The following SOX5 variants were observed in gnomAD, a reference collection of about 807,000 sequenced individuals.
SOX5 encodes transcription factor SOX-5.
A neutral mutation model predicts 92.0 loss-of-function variants in SOX5; 9 were observed. The ratio of observed to expected loss-of-function variants is 0.10; its 90% CI spans 0.06 to 0.17. SOX5 has a LOEUF of 0.17. Ranked by LOEUF, SOX5 falls within the 10% of genes least tolerant of loss-of-function variation. The probability of loss-of-function intolerance (pLI) is 1.00; values close to 1 mark genes in which losing one functional copy is unlikely to be tolerated. For synonymous variants in SOX5, 344 were observed against 336.3 expected (o/e 1.02, Z -0.25); for missense variants, 642 against 944.5 (o/e 0.68, Z 4.20).
Position 23,758,008 on chromosome 12 carries a change from C to CAAAAAAAA in SOX5, c.482-2292_482-2285dup, listed in dbSNP as rs34841595. ...GTACTTGACTTTTAAGCACACACTACAAAAAAAAAAAAAAAAAAAAAAAAA... is the reference window on the plus strand; with the variant it reads ...GTACTTGACTTTTAAGCACACACTACAAAAAAAAAAAAAAAAAAAAAAAAAAAAAAAAA... On this transcript the variant is annotated intron_variant, in intron 3 of 14. Transcript: ENST00000451604. Among the ~76,000 whole-genome samples, 203 of 68,268 alleles carry CAAAAAAAA rather than the reference C, an allele frequency of 3.0e-3. 2 individuals are homozygous for CAAAAAAAA. Among genetic ancestry groups the CAAAAAAAA allele is most frequent in the Middle Eastern group, 0.017 (1 of 58 alleles). 44.8% of individuals were successfully genotyped at this position (68,268 alleles called of 152,430 possible).
At chr12:24,397,742 T>G (rs1232006773) in intron 1 of SOX5, among the ~76,000 whole-genome samples, 1 of 152,048 alleles carries the variant, frequency 6.6e-6, no homozygotes, top group Non-Finnish European at 1.5e-5. Context: ...AAAAATAGAT[T>G]CATATTATCT....
At chr12:23,963,314 C>T (rs1947167603) in intron 4 of SOX5, among the ~76,000 whole-genome samples, 1 of 152,138 alleles carries the variant, frequency 6.6e-6, no homozygotes, top group Non-Finnish European at 1.5e-5. Context: ...GTCATGAAAA[C>T]TCAAAGGAGA....
chr12:24,406,178 G>C (rs1286892598), intron 1 of SOX5, among the ~76,000 whole-genome samples: 1 of 152,148 alleles, frequency 6.6e-6, no homozygotes, highest in East Asian at 1.9e-4. Context: ...AGGTGTGAGA[G>C]AGCCAGCCTG....
Position 24,434,143 on chromosome 12 carries a change from C to T in SOX5, c.-250-65504G>A, listed in dbSNP as rs188076372. Among the ~76,000 whole-genome samples the T allele has an allele frequency of 3.2e-4, 48 of 152,100 alleles. No homozygotes were observed. The East Asian group carries it at 8.5e-3, about 27-fold the overall frequency. ...GATGGTGCTGCAGAGGCCAGATTTG[C>T]AGATTAGGAAGTTACCAATGACCTT... On this transcript the variant is annotated intron_variant, in intron 1 of 4. Coordinates refer to the SOX5 transcript ENST00000446891.
At chr12:23,686,254 A>C (rs958175407) in intron 6 of SOX5, among the ~76,000 whole-genome samples, 19 of 152,212 alleles carry the variant, frequency 1.2e-4, no homozygotes, top group Non-Finnish European at 5.9e-5. Flanking sequence ...GAATGAAAAA[A>C]AATTGTCTAT....
upstream of SOX5, among the ~76,000 whole-genome samples, chr12:23,949,913 C>T (rs970107242): frequency 2.0e-5 from 3 of 151,196 alleles, no homozygotes; most frequent in African/African-American, 7.3e-5. Flanking sequence ...CCACACGCTC[C>T]GGCTGCAAGG....
chr12:23,906,485 T>C (rs1177499246), intron 1 of SOX5, among the ~76,000 whole-genome samples: 1 of 152,212 alleles, frequency 6.6e-6, no homozygotes, highest in African/African-American at 2.4e-5. Context: ...TGTTCTTGCC[T>C]TTCCATAACC....
intron 2 of SOX5, among the ~76,000 whole-genome samples, chr12:24,355,280 A>ATTTT (rs1565973053): frequency 1.2e-5 from 1 of 84,034 alleles, no homozygotes; most frequent in Non-Finnish European, 2.3e-5. Flanking sequence ...TGAGGGGTGC[A>ATTTT]TCTTTTTTTT....
chr12:24,521,936 A>G (rs1950297727), intron 1 of SOX5, among the ~76,000 whole-genome samples: 1 of 151,998 alleles, frequency 6.6e-6, no homozygotes, highest in Non-Finnish European at 1.5e-5. Context: ...GGAGGAAAGA[A>G]AAAAGAGATC....
intron 2 of SOX5, among the ~76,000 whole-genome samples, chr12:24,309,019 T>G (rs1948900385): frequency 6.6e-6 from 1 of 152,234 alleles, no homozygotes; most frequent in South Asian, 2.1e-4. Flanking sequence ...GCAATGCTGT[T>G]AATATCCAGA....
intron 2 of SOX5, among the ~76,000 whole-genome samples, chr12:23,866,725 C>G (rs1402032854): frequency 6.6e-6 from 1 of 152,178 alleles, no homozygotes; most frequent in Non-Finnish European, 1.5e-5. Context: ...CTACCGTCTA[C>G]TGGTTTTTCA....
chr12:23,809,532 T>G (rs1279793394), intron 3 of SOX5, among the ~76,000 whole-genome samples: 1 of 151,920 alleles, frequency 6.6e-6, no homozygotes. Flanking sequence ...AAGCTGGTTT[T>G]CATTAATGAT....
At chr12:23,734,562 A>G in intron 6 of SOX5, 122 bp downstream of exon 6, 1 of 681,782 alleles carries the variant, frequency 1.5e-6, no homozygotes, top group Non-Finnish European at 2.5e-6. Flanking sequence ...AGGAGGTGCT[A>G]TGTCATGAAT....
At chr12:24,109,250 G>A (rs2138108776) in intron 4 of SOX5, among the ~76,000 whole-genome samples, 1 of 152,222 alleles carries the variant, frequency 6.6e-6, no homozygotes, top group South Asian at 2.1e-4. Context: ...CTGGAGATCA[G>A]ATATATAGTA....
intron 2 of SOX5, among the ~76,000 whole-genome samples, chr12:23,885,726 G>C (rs2097056684): frequency 6.6e-6 from 1 of 152,100 alleles, no homozygotes; most frequent in African/African-American, 2.4e-5. Flanking sequence ...GCACACAAAG[G>C]AGATATGTAA....
intron 2 of SOX5, among the ~76,000 whole-genome samples, chr12:24,321,874 C>G (rs183201177): frequency 1.7e-3 from 263 of 152,158 alleles, no homozygotes; most frequent in African/African-American, 5.9e-3. Flanking sequence ...CAGAAGTTGG[C>G]CCTAATATAC....
chr12:24,185,638 G>A (rs1203608093), intron 4 of SOX5, among the ~76,000 whole-genome samples: 1 of 152,138 alleles, frequency 6.6e-6, no homozygotes. Flanking sequence ...TACTACCTGT[G>A]TGTCCTTCAC....
intron 1 of SOX5, among the ~76,000 whole-genome samples, chr12:24,506,784 CTTTTTTT>C (rs386375924): frequency 0.015 from 1,204 of 81,794 alleles, 30 homozygotes; most frequent in African/African-American, 0.054. Context: ...TCCAAATGGT[CTTTTTTT>C]TTTTTTTTTT....
At chr12:23,658,870 G>A (rs888962182) in intron 7 of SOX5, among the ~76,000 whole-genome samples, 1 of 152,146 alleles carries the variant, frequency 6.6e-6, no homozygotes, top group South Asian at 2.1e-4. Context: ...TCCAGCCTGG[G>A]CAACAGAGCG....
Sources: gnomAD v4.1 joint callset for allele counts (sites outside exome capture counted in the v4.1 genomes callset) on GRCh38, gnomAD v4.1.1 for gene constraint, MANE v1.5 for transcripts, NCBI Gene and HGNC (gene_info 2026-07-23, HGNC 2026-07-21) for gene names.